Variants in NEGR1 observed in about 807,000 individuals in gnomAD.
NEGR1 encodes neuronal growth regulator 1.
Under a neutral mutation model 40.9 loss-of-function variants are expected in NEGR1, and 10 were observed. That is an observed-to-expected ratio of 0.24 (90% CI 0.15 to 0.42). The LOEUF (loss-of-function observed/expected upper bound fraction) is 0.42, where lower values mean the gene tolerates loss of function less well. Ranked by LOEUF, NEGR1 falls within the 10% of genes least tolerant of loss-of-function variation. The pLI, the probability that NEGR1 is intolerant of heterozygous loss-of-function variation, is 1.00. For missense variants in NEGR1, 352 were observed against 438.9 expected, an observed-to-expected ratio of 0.80 and a Z score of 1.77; for synonymous variants, 185 against 166.8, an observed-to-expected ratio of 1.11 and a Z score of -0.84.
intron 1 of NEGR1, among the ~76,000 whole-genome samples, chr1:71,988,308 G>A (rs890710283): frequency 1.3e-5 from 2 of 152,122 alleles, no homozygotes; most frequent in African/African-American, 4.8e-5. Context: ...GGGAGGCCGA[G>A]GCGGGTGGAT....
intron 3 of NEGR1, among the ~76,000 whole-genome samples, chr1:71,775,103 A>C (rs1656456238): frequency 6.6e-6 from 1 of 152,176 alleles, no homozygotes; most frequent in Non-Finnish European, 1.5e-5. Flanking sequence ...GCAAACTCAT[A>C]ATTTGATTAA....
rs1365847832 is a variant in NEGR1 at position 71,597,470 on chromosome 1, C to CTGTGTGTGTGTG, written c.789-4503_789-4502insCACACACACACA. Among the ~76,000 whole-genome samples, 123 of 24,782 alleles carry CTGTGTGTGTGTG rather than the reference C, an allele frequency of 5.0e-3. 1 individual carries two copies. The highest frequency in any genetic ancestry group is 0.021 in the East Asian group (17 of 822). The allele number at this position is 24,782 out of a possible 152,430, so 16.3% of individuals were successfully genotyped here. A position where few individuals can be genotyped will look rare whatever the true frequency, so the allele number is the denominator to read the frequency against. On this transcript the variant is annotated intron_variant, in intron 5 of 6. Transcript: ENST00000357731. ...TCTCTCTCTCTCTCTCTCTCTCTCT[C>CTGTGTGTGTGTG]TCTGTGTGTGTGTGTGTGTGTGTGT...
intron 4 of NEGR1, among the ~76,000 whole-genome samples, chr1:71,643,910 T>C (rs925740626): frequency 6.6e-6 from 1 of 152,030 alleles, no homozygotes; most frequent in Non-Finnish European, 1.5e-5. Flanking sequence ...AAACAATTGA[T>C]GGCAGTTTTT....
chr1:71,528,739 C>T (rs1161547887), intron 6 of NEGR1, among the ~76,000 whole-genome samples: 2 of 151,242 alleles, frequency 1.3e-5, no homozygotes, highest in Admixed American at 6.6e-5. Context: ...GATGATATAG[C>T]TGTAGGCATT....
chr1:72,154,295 T>A (rs1275228979), intron 1 of NEGR1, among the ~76,000 whole-genome samples: 1 of 151,890 alleles, frequency 6.6e-6, no homozygotes, highest in Non-Finnish European at 1.5e-5. Flanking sequence ...CACTAGACAT[T>A]CAAATCAAGA....
intron 1 of NEGR1, among the ~76,000 whole-genome samples, chr1:71,938,589 T>C (rs1645931710): frequency 6.6e-6 from 1 of 152,064 alleles, no homozygotes; most frequent in African/African-American, 2.4e-5. Flanking sequence ...AGGGAAGCTA[T>C]GTAGGGTACA....
intron 1 of NEGR1, among the ~76,000 whole-genome samples, chr1:72,109,156 A>C (rs1393014841): frequency 1.3e-5 from 2 of 151,728 alleles, no homozygotes; most frequent in African/African-American, 4.8e-5. Flanking sequence ...ATATGACAGT[A>C]GCAAGCCTAG....
chr1:72,079,881 G>A (rs553167561), intron 1 of NEGR1, among the ~76,000 whole-genome samples: 2 of 151,750 alleles, frequency 1.3e-5, no homozygotes, highest in East Asian at 3.9e-4. Context: ...AAAAAATTTG[G>A]AGATCACTGA....
chr1:71,426,529 T>C (rs952199132), intron 6 of NEGR1, among the ~76,000 whole-genome samples: 4 of 148,334 alleles, frequency 2.7e-5, no homozygotes, highest in Non-Finnish European at 4.6e-5. Flanking sequence ...CTGTAGGTGG[T>C]ATTTCATCTT....
intron 1 of NEGR1, among the ~76,000 whole-genome samples, chr1:72,074,427 C>A (rs1647627596): frequency 6.6e-6 from 1 of 151,830 alleles, no homozygotes; most frequent in African/African-American, 2.4e-5. Flanking sequence ...GAATATATCA[C>A]ATATATCAGT....
chr1:71,957,177 G>C (rs1255275779), intron 1 of NEGR1, among the ~76,000 whole-genome samples: 1 of 152,120 alleles, frequency 6.6e-6, no homozygotes, highest in Admixed American at 6.5e-5. Context: ...CAAAGTGAAA[G>C]TCATGACTAT....
chr1:71,414,485 A>G (rs1386872866), intron 6 of NEGR1, among the ~76,000 whole-genome samples: 1 of 152,172 alleles, frequency 6.6e-6, no homozygotes, highest in African/African-American at 2.4e-5. Context: ...TTTGGATTAT[A>G]GTATCTGGAA....
chr1:72,099,738 T>A (rs1321228559), intron 1 of NEGR1, among the ~76,000 whole-genome samples: 1 of 151,958 alleles, frequency 6.6e-6, no homozygotes, highest in Non-Finnish European at 1.5e-5. Context: ...TAAATTGTTT[T>A]TTAAATAATA....
At chr1:71,968,041 GC>G (rs5775096) in intron 1 of NEGR1, among the ~76,000 whole-genome samples, 18,618 of 152,166 alleles carry the variant, frequency 0.12, 1,218 homozygotes, top group Middle Eastern at 0.21. Flanking sequence ...GCTTCAAGAA[GC>G]CATATGAATG....
intron 1 of NEGR1, among the ~76,000 whole-genome samples, chr1:71,998,358 A>C (rs560430104): frequency 6.6e-6 from 1 of 152,066 alleles, no homozygotes; most frequent in African/African-American, 2.4e-5. Context: ...TTCAATAAAA[A>C]CAATTCTATT....
chr1:72,097,645 T>A (rs1274097468), intron 1 of NEGR1, among the ~76,000 whole-genome samples: 2 of 152,228 alleles, frequency 1.3e-5, no homozygotes, highest in Non-Finnish European at 2.9e-5. Flanking sequence ...TCCCATTTCA[T>A]GCTTCGCAAA....
intron 3 of NEGR1, among the ~76,000 whole-genome samples, chr1:71,726,941 C>T (rs1484720428): frequency 6.6e-6 from 1 of 152,138 alleles, no homozygotes; most frequent in East Asian, 1.9e-4. Flanking sequence ...ACATGTGTTA[C>T]TCTACGTGAC....
intron 1 of NEGR1, among the ~76,000 whole-genome samples, chr1:72,243,605 A>G (rs975645577): frequency 1.3e-5 from 2 of 149,290 alleles, no homozygotes; most frequent in African/African-American, 5.1e-5. Flanking sequence ...GATATTGAGT[A>G]TATTTAAGTT....
intron 4 of NEGR1, among the ~76,000 whole-genome samples, chr1:71,618,079 C>T (rs1468997352): frequency 2.6e-5 from 4 of 152,172 alleles, no homozygotes; most frequent in East Asian, 1.9e-4. Flanking sequence ...ATTATGGGGG[C>T]GAAAAGTGAA....
Sources: gnomAD v4.1 joint callset for allele counts (sites outside exome capture counted in the v4.1 genomes callset) on GRCh38, gnomAD v4.1.1 for gene constraint, MANE v1.5 for transcripts, NCBI Gene and HGNC (gene_info 2026-07-23, HGNC 2026-07-21) for gene names.